Variants in RBFOX1 observed in about 807,000 individuals in gnomAD.
RBFOX1 encodes the protein RNA binding protein fox-1 homolog 1.
Under a neutral mutation model 57.7 loss-of-function variants are expected in RBFOX1, and 8 were observed. That is an observed-to-expected ratio of 0.14 (90% CI 0.08 to 0.25). The LOEUF is 0.25. Among genes scored for constraint, RBFOX1 ranks in the 10% least tolerant of loss-of-function variants. RBFOX1 has a pLI of 1.00. For synonymous variants in RBFOX1, 326 were observed against 222.4 expected (o/e 1.47, Z -4.15); for missense variants, 611 against 548.5 (o/e 1.11, Z -1.14).
At chr16:6,166,608 T>C (rs1204115091) in intron 1 of RBFOX1, among the ~76,000 whole-genome samples, 2 of 152,062 alleles carry the variant, frequency 1.3e-5, no homozygotes, top group African/African-American at 4.8e-5. Flanking sequence ...TGCCTTTGTT[T>C]TCAGGAAAAG....
At chr16:7,129,680 C>T (rs1167668447) in intron 4 of RBFOX1, among the ~76,000 whole-genome samples, 1 of 151,824 alleles carries the variant, frequency 6.6e-6, no homozygotes, top group African/African-American at 2.4e-5. Flanking sequence ...CAGAAAGGGG[C>T]AGAAATAGCA....
At chr16:6,841,674 CCT>C (rs1160001338) in intron 3 of RBFOX1, among the ~76,000 whole-genome samples, 5 of 151,984 alleles carry the variant, frequency 3.3e-5, no homozygotes, top group African/African-American at 1.2e-4. Flanking sequence ...GTGCTTTAGC[CCT>C]CTGTGGAAAA....
chr16:5,763,401 C>T (rs545760066), intron 3 of RBFOX1, among the ~76,000 whole-genome samples: 3 of 152,284 alleles, frequency 2.0e-5, no homozygotes, highest in African/African-American at 2.4e-5. Context: ...CGTGTGTCCT[C>T]GGGCTGGGCT....
At chr16:6,490,817 C>A (rs370518156) in intron 2 of RBFOX1, among the ~76,000 whole-genome samples, 3 of 152,164 alleles carry the variant, frequency 2.0e-5, no homozygotes, top group African/African-American at 4.8e-5. Flanking sequence ...AATAAACTCA[C>A]GTTTGAACAA....
intron 3 of RBFOX1, among the ~76,000 whole-genome samples, chr16:6,703,379 G>T (rs907750967): frequency 6.6e-6 from 1 of 151,892 alleles, no homozygotes; most frequent in Admixed American, 6.6e-5. Flanking sequence ...TTTGAGGCCA[G>T]CCTAGGCAAC....
At chr16:7,034,940 C>T (rs1374456058) in intron 3 of RBFOX1, among the ~76,000 whole-genome samples, 1 of 142,796 alleles carries the variant, frequency 7.0e-6, no homozygotes, top group African/African-American at 2.7e-5. Context: ...CCTCTGCCTC[C>T]CCGGTTCTAT....
At chr16:7,034,280 C>G (rs2043633432) in intron 3 of RBFOX1, among the ~76,000 whole-genome samples, 1 of 152,160 alleles carries the variant, frequency 6.6e-6, no homozygotes, top group South Asian at 2.1e-4. Flanking sequence ...ATGACAGTAT[C>G]TACTGGGTAA....
chr16:7,702,467 T>C (rs1041198916), intron 14 of RBFOX1, among the ~76,000 whole-genome samples: 3 of 152,204 alleles, frequency 2.0e-5, no homozygotes, highest in Non-Finnish European at 4.4e-5. Flanking sequence ...TTTTGCTGCA[T>C]TTTCATTTAG....
chr16:7,084,537 C>A (rs748792367), intron 4 of RBFOX1, among the ~76,000 whole-genome samples: 4 of 152,020 alleles, frequency 2.6e-5, no homozygotes, highest in Non-Finnish European at 5.9e-5. Flanking sequence ...GCAGCAATGC[C>A]CCAAAAGAAA....
chr16:6,589,412 G>C (rs994286603), intron 2 of RBFOX1, among the ~76,000 whole-genome samples: 2 of 152,168 alleles, frequency 1.3e-5, no homozygotes, highest in Admixed American at 6.5e-5. Context: ...GGTGGGTAGG[G>C]GGTCAGAAAG....
At chr16:5,911,324 C>G (rs2058597644) in intron 4 of RBFOX1, among the ~76,000 whole-genome samples, 1 of 152,200 alleles carries the variant, frequency 6.6e-6, no homozygotes, top group South Asian at 2.1e-4. Context: ...TCACTGGATA[C>G]TTGTGGAAGA....
rs372413501 is a variant in RBFOX1, at chr16:6,960,302, A to C, written c.-15-91755A>C. Reference sequence around the variant, plus strand: ...CTCAGATCTTATAGATGAGAAGTTAATCACTTACGTCTTTAGACGAATGCA... The same window carrying C: ...CTCAGATCTTATAGATGAGAAGTTACTCACTTACGTCTTTAGACGAATGCA... On this transcript the variant is annotated intron_variant, in intron 3 of 15. Coordinates refer to ENST00000550418, the MANE Select transcript of RBFOX1 (RefSeq NM_018723.4). Among the ~76,000 whole-genome samples the C allele has an allele frequency of 8.7e-4, 132 of 152,258 alleles. 1 individual carries two copies. Among genetic ancestry groups the C allele is most frequent in the African/African-American group, 3.1e-3 (127 of 41,552 alleles).
chr16:6,160,947 G>C (rs190054475), intron 1 of RBFOX1, among the ~76,000 whole-genome samples: 2 of 152,188 alleles, frequency 1.3e-5, no homozygotes, highest in African/African-American at 4.8e-5. Flanking sequence ...TAGAACATTC[G>C]CCCCTTGTTC....
At chr16:6,357,332 G>A (rs1055762987) in intron 2 of RBFOX1, among the ~76,000 whole-genome samples, 1 of 152,050 alleles carries the variant, frequency 6.6e-6, no homozygotes, top group African/African-American at 2.4e-5. Context: ...TGATTGAGAA[G>A]TTAGTGGCTA....
At chr16:5,418,649 C>T (rs931367499) in intron 1 of RBFOX1, among the ~76,000 whole-genome samples, 1 of 152,076 alleles carries the variant, frequency 6.6e-6, no homozygotes, top group Admixed American at 6.6e-5. Context: ...CTCCCTTGTC[C>T]TCGCTCCTCT....
chr16:6,187,035 G>C (rs1294018025), intron 1 of RBFOX1, among the ~76,000 whole-genome samples: 1 of 152,094 alleles, frequency 6.6e-6, no homozygotes, highest in Non-Finnish European at 1.5e-5. Flanking sequence ...GTAATGATTT[G>C]ATATCCATTT....
At chr16:5,369,019 T>G (rs752264365) in intron 1 of RBFOX1, among the ~76,000 whole-genome samples, 2 of 152,206 alleles carry the variant, frequency 1.3e-5, no homozygotes, top group South Asian at 4.1e-4. Flanking sequence ...TTTGTTTGTT[T>G]TGAGACGAGT....
In RBFOX1 at chr16:6,351,368, A is replaced by ATTT. The variant is rs1358836868; in HGVS notation, c.-64+34312_-64+34313insTTT. ...TGTGTGTGTGTATATATATATATAT[A>ATTT]TATATTTTTTTTTTTTTTTCTTGAG... On this transcript the variant is annotated intron_variant, in intron 2 of 15. Coordinates refer to ENST00000550418, the MANE Select transcript of RBFOX1 (RefSeq NM_018723.4). Among the ~76,000 whole-genome samples the ATTT allele has an allele frequency of 1.6e-3, 167 of 103,812 alleles. 4 individuals carry two copies. The highest frequency in any genetic ancestry group is 6.5e-3 in the African/African-American group (147 of 22,790). 68.1% of individuals were successfully genotyped at this position (103,812 alleles called of 152,430 possible).
chr16:7,477,003 T>C (rs2062855647), intron 4 of RBFOX1, among the ~76,000 whole-genome samples: 1 of 152,186 alleles, frequency 6.6e-6, no homozygotes, highest in South Asian at 2.1e-4. Context: ...CTTTCCTTGC[T>C]GGGAAGTGTA....
Sources: gnomAD v4.1 joint callset for allele counts (sites outside exome capture counted in the v4.1 genomes callset) on GRCh38, gnomAD v4.1.1 for gene constraint, MANE v1.5 for transcripts, NCBI Gene and HGNC (gene_info 2026-07-23, HGNC 2026-07-21) for gene names.